TRIM59: variants seen among roughly 807,000 people sequenced by gnomAD.
The protein encoded by TRIM59 is tripartite motif containing 59.
TRIM59 carries 14 observed loss-of-function variants against 32.2 expected under a neutral mutation model. That is an observed-to-expected ratio of 0.43 (90% confidence interval 0.29 to 0.68). The LOEUF (loss-of-function observed/expected upper bound fraction) is 0.68. Among genes scored for constraint, TRIM59 ranks in the 30% least tolerant of loss-of-function variants. The probability of loss-of-function intolerance (pLI) is 0.15; values close to 1 mark genes in which losing one functional copy is unlikely to be tolerated. For missense variants in TRIM59, 471 were observed against 463.3 expected, an observed-to-expected ratio of 1.02 and a Z score of -0.15; for synonymous variants, 163 against 155.1, an observed-to-expected ratio of 1.05 and a Z score of -0.38.
At position 160,438,950 on chromosome 3, in the gene TRIM59, T is replaced by C. The variant is rs766433613; in HGVS notation, c.234A>G (p.Ala78=). The change falls in exon 3 of 3, where the codon GCA becomes GCG. Residue 78 remains alanine, a synonymous_variant. Coordinates refer to ENST00000309784, the MANE Select transcript of TRIM59 (RefSeq NM_173084.3). ...GGTACTTTTCAATAATAGCCCTTAGTGCAAAATTAACAGGTAAAGATTCAA... is the reference window on the plus strand; with the variant it reads ...GGTACTTTTCAATAATAGCCCTTAGCGCAAAATTAACAGGTAAAGATTCAA... The part of the protein sequence containing the change: ...TGIESLPVNF[A]LRAIIEKYQQ... 2.5e-6 allele frequency: 4 copies of C among 1,614,008 alleles called. No homozygotes were observed. In the Middle Eastern group the frequency reaches 4.9e-4, roughly 199 times the overall value.
rs139616657 is a variant in TRIM59, at chr3:160,437,286, C to T, written c.*686G>A. On this transcript the variant is annotated 3_prime_UTR_variant, in exon 3 of 3. Transcript: ENST00000309784. ...GGAGGATCGATTGAGCCTGGGTGGT[C>T]GAAACTGCAGTGAGTCATGACCAGA... 7.7e-5 allele frequency: 64 copies of T among 831,744 alleles called. No homozygotes were observed. Among genetic ancestry groups the T allele is most frequent in the Non-Finnish European group, 9.0e-5 (62 of 690,172 alleles). 51.5% of individuals were successfully genotyped at this position (831,744 alleles called of 1,614,324 possible).
chr3:160,436,031 CA>C lies in TRIM59; in HGVS notation c.*1940del, dbSNP rs2108512286. 4.9e-6 allele frequency: 6 copies of C among 1,214,174 alleles called. No homozygotes were observed. Among genetic ancestry groups the C allele is most frequent in the Non-Finnish European group, 5.2e-6 (5 of 954,838 alleles). 75.2% of individuals were successfully genotyped at this position (1,214,174 alleles called of 1,614,324 possible). On this transcript the variant is annotated 3_prime_UTR_variant, in exon 3 of 3. Transcript: ENST00000309784. ...TGGTGTGACTAGTATTTTAAGTAAT[CA>C]GTGCAACTTAGTATTTTTATCTCTA...
In TRIM59 at chr3:160,437,704, C is replaced by T; in HGVS notation, c.*268G>A. On this transcript the variant is annotated 3_prime_UTR_variant, in exon 3 of 3. Transcript: ENST00000309784. ...GTACAAGAATGTTTAAATGTCACAG[C>T]AACATTATGTCAACCATCATAAAGC... 9.1e-7 allele frequency: 1 copy of T among 1,093,322 alleles called. No individual in the cohort carries two copies. Among genetic ancestry groups the T allele is most frequent in the African/African-American group, 1.6e-5 (1 of 61,194 alleles). 67.7% of individuals were successfully genotyped at this position (1,093,322 alleles called of 1,614,324 possible). A position where few individuals can be genotyped will look rare whatever the true frequency, so the allele number is the denominator to read the frequency against.
In TRIM59 at chr3:160,438,076, A is replaced by G. The variant is rs1719066055; in HGVS notation, c.1108T>C (p.Ser370Pro). Residue 370 changes from serine to proline, a missense_variant, in exon 3 of 3, where the codon TCT becomes CCT. Transcript: ENST00000309784. ...CTGTTAGATAAACTTTGGTAAACAG[A>G]TAGAGAGGCTTCAGAAAACCATATT... is the stretch of plus-strand genomic sequence containing the variant. ...TLIWFSEASL[S>P]VYQSLSNSLH... 1 of 1,606,226 alleles carries G rather than the reference A, an allele frequency of 6.2e-7. No individual in the cohort carries two copies. Among genetic ancestry groups the G allele is most frequent in the Non-Finnish European group, 8.5e-7 (1 of 1,175,610 alleles).
Position 160,437,862 on chromosome 3 carries a change from A to G in TRIM59, c.*110T>C, listed in dbSNP as rs1719057048. 3 of 1,345,512 alleles carry G rather than the reference A, an allele frequency of 2.2e-6. No homozygotes were observed. Among genetic ancestry groups the G allele is most frequent in the South Asian group, 2.5e-5 (1 of 40,444 alleles). 83.3% of individuals were successfully genotyped at this position (1,345,512 alleles called of 1,614,324 possible). On this transcript the variant is annotated 3_prime_UTR_variant, in exon 3 of 3. Coordinates refer to ENST00000309784, the MANE Select transcript of TRIM59 (RefSeq NM_173084.3). ...AAGCAACAAATATAAACATTTGTTT[A>G]TATTAGTTGCAGCACTAATAAAGCT... is the stretch of plus-strand genomic sequence containing the variant.
Position 160,437,928 on chromosome 3 carries a change from C to T in TRIM59, c.*44G>A. On this transcript the variant is annotated 3_prime_UTR_variant, in exon 3 of 3. Transcript: ENST00000309784. ...CCATGCTACCCCATTTTTTGTTTAG[C>T]AATGTACAGAATAAGCCCATTTAAA... The T allele has an allele frequency of 6.8e-6, 10 of 1,472,614 alleles. No individual in the cohort carries two copies. The highest frequency in any genetic ancestry group is 9.0e-6 in the Non-Finnish European group (10 of 1,114,880). 91.2% of individuals were successfully genotyped at this position (1,472,614 alleles called of 1,614,324 possible).
intron 1 of TRIM59, 67 bp downstream of exon 1, chr3:160,449,648 CTG>C (rs1387787418): frequency 7.8e-7 from 1 of 1,289,746 alleles, no homozygotes; most frequent in Admixed American, 2.3e-5. Context: ...GCACACCAGA[CTG>C]TGCTACAGGA....
rs1252128383 is a variant in TRIM59, at chr3:160,437,090, G to T, written c.*882C>A. ...GGCCCCCAGGCACAGTGTGGCTAAC[G>T]TCTGTAATCCCAGCACTTTGGGAGG... On this transcript the variant is annotated 3_prime_UTR_variant, in exon 3 of 3. Transcript: ENST00000309784. 2.0e-6 allele frequency: 2 copies of T among 983,406 alleles called. No individual in the cohort carries two copies. Among genetic ancestry groups the T allele is most frequent in the South Asian group, 9.4e-5 (2 of 21,232 alleles). The allele number at this position is 983,406 out of a possible 1,614,324, so 60.9% of individuals were successfully genotyped here.
Position 160,437,613 on chromosome 3 carries a change from CTATATA to C in TRIM59, c.*353_*358del, listed in dbSNP as rs545017942. 7 of 990,130 alleles carry C rather than the reference CTATATA, an allele frequency of 7.1e-6. No homozygotes were observed. The East Asian group carries it at 3.3e-4, about 47-fold the overall frequency. 61.3% of individuals were successfully genotyped at this position (990,130 alleles called of 1,614,324 possible). ...AGGTATATGTTCTTTCAGGATTTTGCTATATATATAAAGAACTGTAAAGCCAATTAA... is the reference window on the plus strand; with the variant it reads ...AGGTATATGTTCTTTCAGGATTTTGCTATAAAGAACTGTAAAGCCAATTAA... On this transcript the variant is annotated 3_prime_UTR_variant, in exon 3 of 3. Transcript: ENST00000309784.
chr3:160,449,075 A>C (rs911713268), intron 1 of TRIM59: 1 of 225,772 alleles, frequency 4.4e-6, no homozygotes, highest in Admixed American at 5.3e-5. Context: ...TGGTGATGGC[A>C]GAAAAAACAT....
At chr3:160,447,765 T>C (rs1577020665) in intron 2 of TRIM59, 1 of 152,242 alleles carries the variant, frequency 6.6e-6, no homozygotes, top group Non-Finnish European at 1.5e-5. Context: ...CCAAGACTTC[T>C]AGTGAGTCAG....
intron 2 of TRIM59, among the ~76,000 whole-genome samples, 159 bp from the exon 3 acceptor site, chr3:160,439,345 G>GTA (rs1719125679): frequency 1.3e-5 from 2 of 152,128 alleles, no homozygotes; most frequent in Non-Finnish European, 2.9e-5. Context: ...TCATTTCCTA[G>GTA]TATATATAGT....
intron 1 of TRIM59, chr3:160,449,506 A>AACG: frequency 8.3e-7 from 1 of 1,210,564 alleles, no homozygotes; most frequent in South Asian, 1.5e-5. Flanking sequence ...CCCTCACAGG[A>AACG]ACGCAGCTCC....
In TRIM59 at chr3:160,437,103, G is replaced by A. The variant is rs373051193; in HGVS notation, c.*869C>T. 3 of 978,328 alleles carry A rather than the reference G, an allele frequency of 3.1e-6. No homozygotes were observed. Among genetic ancestry groups the A allele is most frequent in the African/African-American group, 3.5e-5 (2 of 57,250 alleles). 60.6% of individuals were successfully genotyped at this position (978,328 alleles called of 1,614,324 possible). A position where few individuals can be genotyped will look rare whatever the true frequency, so the allele number is the denominator to read the frequency against. ...AGTGTGGCTAACGTCTGTAATCCCA[G>A]CACTTTGGGAGGCCAAGGTGGGCAG... On this transcript the variant is annotated 3_prime_UTR_variant, in exon 3 of 3. Coordinates refer to ENST00000309784, the MANE Select transcript of TRIM59 (RefSeq NM_173084.3).
At chr3:160,443,316 CA>C (rs1294119282) in intron 2 of TRIM59, among the ~76,000 whole-genome samples, 1 of 147,236 alleles carries the variant, frequency 6.8e-6, no homozygotes, top group Non-Finnish European at 1.5e-5. Context: ...TGTAGGTTTC[CA>C]AACAGTAAAA....
Position 160,438,167 on chromosome 3 carries a change from T to C in TRIM59, c.1017A>G (p.Ser339=). Residue 339 remains serine, a synonymous_variant, in exon 3 of 3, where the codon TCA becomes TCG. Coordinates refer to ENST00000309784, the MANE Select transcript of TRIM59 (RefSeq NM_173084.3). The stretch of plus-strand genomic sequence containing the variant: ...AAAAGAGTATCGACATCAGTATTAC[T>C]GAAATTAATGTAACTACAACAATGT... ...ILNIVVVTLI[S]VILMSILFFN... is the part of the protein sequence containing the mutation. 6.2e-7 allele frequency: 1 copy of C among 1,612,314 alleles called. No homozygotes were observed. The highest frequency in any genetic ancestry group is 1.1e-5 in the South Asian group (1 of 90,556).
At chr3:160,441,137 CCT>C (rs1719216929) in intron 2 of TRIM59, among the ~76,000 whole-genome samples, 1 of 152,138 alleles carries the variant, frequency 6.6e-6, no homozygotes, top group South Asian at 2.1e-4. Flanking sequence ...GATTAGGTCC[CCT>C]GTTATTCTCA....
At position 160,436,165 on chromosome 3, in the gene TRIM59, T is replaced by G; in HGVS notation, c.*1807A>C. The G allele has an allele frequency of 2.0e-6, 2 of 1,024,378 alleles. No individual in the cohort carries two copies. The highest frequency in any genetic ancestry group is 2.3e-6 in the Non-Finnish European group (2 of 852,546). The allele number at this position is 1,024,378 out of a possible 1,614,324, so 63.5% of individuals were successfully genotyped here. ...GTCTGATTCTAATAATAAATTGATA[T>G]AATACAGTCATCTTAGTGTTAAGAC... On this transcript the variant is annotated 3_prime_UTR_variant, in exon 3 of 3. Coordinates refer to ENST00000309784, the MANE Select transcript of TRIM59 (RefSeq NM_173084.3).
rs1719088565 is a variant in TRIM59, at chr3:160,438,490, G to C, written c.694C>G (p.Gln232Glu). Residue 232 changes from glutamine to glutamate, a missense_variant, in exon 3 of 3, where the codon CAG (glutamine) becomes GAG (glutamate). Gln to Glu is a conservative substitution (Grantham distance 29). Coordinates refer to ENST00000309784, the MANE Select transcript of TRIM59 (RefSeq NM_173084.3). ...ATTGTCAGTGCCATTAATTCAAGCT[G>C]CTGCTCTCGTATTTCCTTCATTCTT... ...IERMKEIREQ[Q>E]LELMALTISL... is the part of the protein sequence containing the mutation. 6 of 1,613,020 alleles carry C rather than the reference G, an allele frequency of 3.7e-6. No homozygotes were observed. Among genetic ancestry groups the C allele is most frequent in the Non-Finnish European group, 5.1e-6 (6 of 1,179,750 alleles).
Sources: allele counts gnomAD v4.1 joint callset (sites outside exome capture counted in the v4.1 genomes callset), GRCh38; gene constraint gnomAD v4.1.1; transcripts MANE v1.5; gene names NCBI Gene and HGNC (gene_info 2026-07-23, HGNC 2026-07-21).